The following SMNDC1 variants were observed in gnomAD, a reference collection of about 807,000 sequenced individuals.
SMNDC1 encodes the protein survival motor neuron domain containing 1, also known as survival of motor neuron-related-splicing factor 30.
In SMNDC1, 5 loss-of-function variants were observed where a neutral mutation model predicts 29.2. The observed-to-expected ratio is 0.17, with a 90% CI of 0.09 to 0.36. SMNDC1 has a LOEUF of 0.36. Ranked by LOEUF, SMNDC1 falls within the 10% of genes least tolerant of loss-of-function variation. The pLI is 1.00. For synonymous variants in SMNDC1, 80 were observed against 89.9 expected, an observed-to-expected ratio of 0.89 and a Z score of 0.62; for missense variants, 142 against 268.5, an observed-to-expected ratio of 0.53 and a Z score of 3.29.
chr10:110,297,093 CAGTTT>C lies in SMNDC1; in HGVS notation c.425+469_425+473del, dbSNP rs780131182. ...CTTGGCTCTTACTCTTTTCAAATCT[CAGTTT>C]AGATGTCATTTTCTCAAAGAAATCT... On this transcript the variant is annotated intron_variant, in intron 4 of 5. Transcript: ENST00000369603. 5.9e-5 allele frequency among the ~76,000 whole-genome samples: 9 copies of C among 152,328 alleles called. No individual in the cohort carries two copies. In the South Asian group the frequency reaches 6.2e-4, roughly 11 times the overall value.
chr10:110,296,241 AC>A (rs1302018685), intron 4 of SMNDC1, among the ~76,000 whole-genome samples: 1 of 152,080 alleles, frequency 6.6e-6, no homozygotes, highest in Non-Finnish European at 1.5e-5. Flanking sequence ...AGAGCCTAAA[AC>A]CCCCAATAAT....
chr10:110,302,591 C>A (rs10884946), intron 2 of SMNDC1, among the ~76,000 whole-genome samples: 64,711 of 152,022 alleles, frequency 0.43, 16,891 homozygotes, highest in East Asian at 0.84. Flanking sequence ...AATTTTTAGA[C>A]AGGATACAGA....
At chr10:110,300,541 A>G (rs1857630924) in intron 2 of SMNDC1, 1 of 984,420 alleles carries the variant, frequency 1.0e-6, no homozygotes, top group African/African-American at 1.7e-5. Flanking sequence ...TCTTGAAGGT[A>G]CATACCATTA....
Position 110,303,421 on chromosome 10 carries a change from A to G in SMNDC1, c.120+47T>C, listed in dbSNP as rs1178916838. On this transcript the variant is annotated intron_variant, in intron 2 of 5. Coordinates refer to ENST00000369603, the MANE Select transcript of SMNDC1 (RefSeq NM_005871.4). ...CTTTGGGTACTTAGGGATTCAAGCA[A>G]TAATTTGAAAAACAGAGAAAAAGTA... is the stretch of plus-strand genomic sequence containing the variant. The G allele has an allele frequency of 6.6e-6, 10 of 1,525,538 alleles. No homozygotes were observed. In the South Asian group the frequency reaches 1.2e-4, roughly 18 times the overall value. 94.5% of individuals were successfully genotyped at this position (1,525,538 alleles called of 1,614,324 possible).
At chr10:110,297,759 A>G in intron 3 of SMNDC1, 31 bp from the exon 4 acceptor site, 1 of 1,605,148 alleles carries the variant, frequency 6.2e-7, no homozygotes, top group Non-Finnish European at 8.5e-7. Context: ...TAAGCAGGTG[A>G]GTAAAGGTTT....
At chr10:110,294,432 G>GACCACTTCTGTACCCATTTTT in intron 5 of SMNDC1, 145 bp from the exon 6 acceptor site, 1 of 636,746 alleles carries the variant, frequency 1.6e-6, no homozygotes, top group Non-Finnish European at 2.5e-6. Flanking sequence ...TAAAAAATGG[G>GACCACTTCTGTACCCATTTTT]TACAGAAGTG....
rs898411050 is a variant in SMNDC1, at chr10:110,296,289, T to G, written c.426-908A>C. ...TAACACTGACTTCTCACCAAAAGGA[T>G]GAAAAGAAAGATCCTTAAGAGGGGC... On this transcript the variant is annotated intron_variant, in intron 4 of 5. Coordinates refer to ENST00000369603, the MANE Select transcript of SMNDC1 (RefSeq NM_005871.4). 5.3e-5 allele frequency among the ~76,000 whole-genome samples: 8 copies of G among 152,212 alleles called. No homozygotes were observed. In the South Asian group the frequency reaches 1.4e-3, roughly 28 times the overall value.
rs950310406 is a variant in SMNDC1 at position 110,293,201 on chromosome 10, C to A, written c.*949G>T. ...ATAACTGTGATGATGTTCACTTACA[C>A]CAACAAATGCAGACAACCTGATCTA... On this transcript the variant is annotated 3_prime_UTR_variant, in exon 6 of 6. Coordinates refer to ENST00000369603, the MANE Select transcript of SMNDC1 (RefSeq NM_005871.4). 1 of 152,546 alleles carries A rather than the reference C, an allele frequency of 6.6e-6. No homozygotes were observed. Among genetic ancestry groups the A allele is most frequent in the Non-Finnish European group, 1.5e-5 (1 of 68,016 alleles). 9.4% of individuals were successfully genotyped at this position (152,546 alleles called of 1,614,324 possible).
intron 1 of SMNDC1, chr10:110,303,788 T>A: frequency 1.2e-5 from 6 of 509,048 alleles, no homozygotes; most frequent in Non-Finnish European, 2.0e-5. Context: ...TTCTGAGGAT[T>A]ATAAACTTGA....
intron 2 of SMNDC1, chr10:110,300,819 TC>T (rs1857634477): frequency 1.7e-6 from 1 of 590,504 alleles, no homozygotes; most frequent in African/African-American, 2.0e-5. Flanking sequence ...AAATTGACTA[TC>T]TCTGATTATC....
At chr10:110,303,332 CA>C in intron 2 of SMNDC1, 135 bp downstream of exon 2, 2 of 659,774 alleles carry the variant, frequency 3.0e-6, no homozygotes, top group Middle Eastern at 4.4e-4. Flanking sequence ...CCTACTTCTA[CA>C]AGCAATGGTA....
chr10:110,297,481 C>T, intron 4 of SMNDC1, 86 bp downstream of exon 4: 2 of 1,250,644 alleles, frequency 1.6e-6, no homozygotes, highest in Admixed American at 2.2e-5. Context: ...TTACAACTTT[C>T]TTATGCATAG....
intron 2 of SMNDC1, among the ~76,000 whole-genome samples, chr10:110,300,296 T>C (rs766668277): frequency 6.6e-6 from 1 of 152,218 alleles, no homozygotes; most frequent in East Asian, 1.9e-4. Flanking sequence ...TAAAGAAATA[T>C]ATTTCATCAA....
chr10:110,304,738 G>C lies in SMNDC1; in HGVS notation c.-1+10C>G, dbSNP rs920748274. On this transcript the variant is annotated intron_variant, in intron 1 of 5. Coordinates refer to ENST00000369603, the MANE Select transcript of SMNDC1 (RefSeq NM_005871.4). ...CCAGGCCTTACTCTCTCCCTCAGGG[G>C]GGTTGTTACCTTGTGTGGGGCTGGG... The C allele has an allele frequency of 1.3e-5, 2 of 152,530 alleles. No individual in the cohort carries two copies. Among genetic ancestry groups the C allele is most frequent in the Non-Finnish European group, 2.9e-5 (2 of 68,290 alleles). The allele number at this position is 152,530 out of a possible 1,614,324, so 9.4% of individuals were successfully genotyped here.
rs575924972 is a variant in SMNDC1, at chr10:110,297,742, A to G, written c.264-14T>C. On this transcript the variant is annotated splice_polypyrimidine_tract_variant and intron_variant, in intron 3 of 5. Coordinates refer to ENST00000369603, the MANE Select transcript of SMNDC1 (RefSeq NM_005871.4). Reference sequence around the variant, plus strand: ...GCTTCATAACACCTGTAAAGATATCATGGCTGTAAGCAGGTGAGTAAAGGT... The same window carrying G: ...GCTTCATAACACCTGTAAAGATATCGTGGCTGTAAGCAGGTGAGTAAAGGT... The G allele has an allele frequency of 6.2e-7, 1 of 1,612,010 alleles. No homozygotes were observed. Among genetic ancestry groups the G allele is most frequent in the East Asian group, 2.2e-5 (1 of 44,870 alleles).
intron 2 of SMNDC1, among the ~76,000 whole-genome samples, chr10:110,302,398 T>C (rs1857666137): frequency 6.6e-6 from 1 of 152,200 alleles, no homozygotes. Context: ...AAAAATAACA[T>C]ACTACTGCAA....
intron 2 of SMNDC1, 38 bp from the exon 3 acceptor site, chr10:110,298,828 T>A: frequency 6.6e-7 from 1 of 1,505,722 alleles, no homozygotes; most frequent in Non-Finnish European, 9.1e-7. Context: ...ATTATTTTTA[T>A]AATTCTCATT....
intron 2 of SMNDC1, among the ~76,000 whole-genome samples, chr10:110,301,942 A>T (rs929874531): frequency 3.9e-5 from 6 of 152,204 alleles, no homozygotes; most frequent in African/African-American, 1.2e-4. Flanking sequence ...CCTGATGATA[A>T]TGCTATTTCT....
chr10:110,297,468 G>A, intron 4 of SMNDC1, 99 bp downstream of exon 4: 1 of 1,087,584 alleles, frequency 9.2e-7, no homozygotes, highest in Non-Finnish European at 1.3e-6. Flanking sequence ...CGGTAAAACA[G>A]TATTACAACT....
Sources: allele counts gnomAD v4.1 joint callset (sites outside exome capture counted in the v4.1 genomes callset), GRCh38; gene constraint gnomAD v4.1.1; transcripts MANE v1.5; gene names NCBI Gene and HGNC (gene_info 2026-07-23, HGNC 2026-07-21).